The following CCAR1 variants were observed in gnomAD, a reference collection of about 807,000 sequenced individuals.
CCAR1 encodes cell division cycle and apoptosis regulator 1, also known as cell division cycle and apoptosis regulator protein 1.
CCAR1 carries 78 observed loss-of-function variants against 163.8 expected under a neutral mutation model. That is an observed-to-expected ratio of 0.48 (90% confidence interval 0.40 to 0.57). CCAR1 has a LOEUF of 0.57. CCAR1 is among the 20% of genes least tolerant of loss of function. The probability of loss-of-function intolerance (pLI) is 0.00; values close to 1 mark genes in which losing one functional copy is unlikely to be tolerated. For missense variants in CCAR1, 1,019 were observed against 1,365.2 expected (o/e 0.75, Z 4.00); for synonymous variants, 443 against 460.7 (o/e 0.96, Z 0.49).
intron 19 of CCAR1, among the ~76,000 whole-genome samples, chr10:68,784,404 G>C (rs921985170): frequency 6.6e-6 from 1 of 152,062 alleles, no homozygotes. Context: ...TTAGAGATGG[G>C]GTTTCACCAT....
Position 68,756,414 on chromosome 10 carries a change from C to T in CCAR1, c.1767C>T (p.Leu589=), listed in dbSNP as rs775225167. Residue 589 remains leucine (L), a synonymous_variant, in exon 14 of 25, where the codon CTC becomes CTT. Transcript: ENST00000265872. This position sits in a 1 kb window ranked among gnomAD's most constrained non-coding sequence, Gnocchi z 5.1. ...CLPTRSEWET[L]SRGYKQQLVE... is the part of the protein sequence containing the mutation. Reference sequence around the variant, plus strand: ...CCACCCGCTCAGAGTGGGAAACCCTCTCCCGAGGATACAAGCAGCAGCTGG... The same window carrying T: ...CCACCCGCTCAGAGTGGGAAACCCTTTCCCGAGGATACAAGCAGCAGCTGG... The T allele has an allele frequency of 1.9e-6, 3 of 1,613,948 alleles. No homozygotes were observed. Among genetic ancestry groups the T allele is most frequent in the South Asian group, 1.1e-5 (1 of 91,062 alleles).
In CCAR1 at chr10:68,771,036, C is replaced by T. The variant is rs902662250; in HGVS notation, c.2299-170C>T. Among the ~76,000 whole-genome samples the T allele has an allele frequency of 2.6e-5, 4 of 152,082 alleles. No homozygotes were observed. In the South Asian group the frequency reaches 8.3e-4, roughly 31 times the overall value. ...GAGCTTGCTGTGAGCCAAGATCGTG[C>T]CGCTGCACTCCAGCCTGGGCGACAG... is the stretch of plus-strand genomic sequence containing the variant. On this transcript the variant is annotated intron_variant, in intron 17 of 24. Coordinates refer to ENST00000265872, the MANE Select transcript of CCAR1 (RefSeq NM_018237.4).
At chr10:68,755,561 T>C (rs938468529) in intron 13 of CCAR1, 25 bp downstream of exon 13, 3 of 1,588,118 alleles carry the variant, frequency 1.9e-6, no homozygotes, top group Non-Finnish European at 2.6e-6. Context: ...ATTTCTTGAT[T>C]AGAAGTGTTT....
intron 19 of CCAR1, among the ~76,000 whole-genome samples, chr10:68,779,755 T>C (rs571323974): frequency 6.6e-6 from 1 of 152,282 alleles, no homozygotes; most frequent in South Asian, 2.1e-4. Context: ...TTCCATAATT[T>C]ATTATAAAAC....
At chr10:68,781,691 CA>C (rs916907673) in intron 19 of CCAR1, among the ~76,000 whole-genome samples, 10 of 149,974 alleles carry the variant, frequency 6.7e-5, no homozygotes, top group Non-Finnish European at 1.0e-4. Flanking sequence ...CCCATCTCTA[CA>C]AAAAAAAATA....
rs1564531352 is a variant in CCAR1 at position 68,737,871 on chromosome 10, G to C, written c.273G>C (p.Leu91=). The C allele has an allele frequency of 1.3e-6, 2 of 1,597,242 alleles. No individual in the cohort carries two copies. The highest frequency in any genetic ancestry group is 4.5e-5 in the East Asian group (2 of 44,372). The change falls in exon 4 of 25, where the codon CTG becomes CTC. Residue 91 remains leucine (L), a synonymous_variant. Transcript: ENST00000265872. The stretch of plus-strand genomic sequence containing the variant: ...AATATTCACAACCTCAGCAGGCCCT[G>C]TATAGTGTGCAACAACAGGTTAGTT... The part of the protein sequence containing the change: ...QQQYSQPQQA[L]YSVQQQLQQP...
intron 6 of CCAR1, among the ~76,000 whole-genome samples, chr10:68,744,812 A>G (rs1300682717): frequency 6.6e-6 from 1 of 151,578 alleles, no homozygotes; most frequent in African/African-American, 2.4e-5. Flanking sequence ...AAATGAGTCT[A>G]GGAGGTATAT....
intron 10 of CCAR1, among the ~76,000 whole-genome samples, chr10:68,751,352 A>G (rs1446322818): frequency 1.3e-5 from 2 of 151,988 alleles, no homozygotes; most frequent in African/African-American, 2.4e-5. Context: ...ACTTTACACT[A>G]GTTTTCTTCT....
At chr10:68,748,261 G>T (rs1163142) in intron 8 of CCAR1, among the ~76,000 whole-genome samples, 2 of 151,782 alleles carry the variant, frequency 1.3e-5, no homozygotes, top group Non-Finnish European at 2.9e-5. Context: ...AAACTGGGTC[G>T]TGGTGGCAGG....
At chr10:68,726,113 T>TAAA (rs747643778) in intron 2 of CCAR1, among the ~76,000 whole-genome samples, 5 of 93,674 alleles carry the variant, frequency 5.3e-5, no homozygotes, top group South Asian at 3.8e-4. Context: ...GACCCTGTCC[T>TAAA]AAAAAAAAAA....
At chr10:68,728,860 CAGGAGAA>C (rs1363906536) in intron 2 of CCAR1, among the ~76,000 whole-genome samples, 3 of 151,300 alleles carry the variant, frequency 2.0e-5, no homozygotes, top group Non-Finnish European at 4.4e-5. Flanking sequence ...GAGGCTGAGG[CAGGAGAA>C]TCACTTGAAC....
intron 10 of CCAR1, among the ~76,000 whole-genome samples, chr10:68,752,953 A>T (rs2056353123): frequency 6.6e-6 from 1 of 151,368 alleles, no homozygotes; most frequent in South Asian, 2.1e-4. Context: ...CTGTCTGTAG[A>T]TAGAATAGAT....
intron 2 of CCAR1, among the ~76,000 whole-genome samples, chr10:68,722,945 G>C (rs2055880636): frequency 1.3e-5 from 2 of 151,754 alleles, no homozygotes; most frequent in South Asian, 4.2e-4. Flanking sequence ...AAAACAACAT[G>C]AATTAGGCTG....
intron 11 of CCAR1, 90 bp downstream of exon 11, chr10:68,754,167 G>A: frequency 1.1e-6 from 1 of 892,460 alleles, no homozygotes; most frequent in Non-Finnish European, 1.7e-6. Context: ...GAAAGTGTTT[G>A]TTAGGTAGAC....
intron 19 of CCAR1, among the ~76,000 whole-genome samples, chr10:68,774,243 G>A (rs1386957732): frequency 2.0e-5 from 3 of 152,142 alleles, no homozygotes; most frequent in Admixed American, 2.0e-4. Context: ...GCCCAGGCTG[G>A]TCTTGAACTA....
intron 16 of CCAR1, 59 bp downstream of exon 16, chr10:68,761,251 T>A: frequency 1.2e-6 from 1 of 868,774 alleles, no homozygotes; most frequent in Admixed American, 3.0e-5. Context: ...TAGGGTGTTC[T>A]TGGAATACGT....
At chr10:68,784,549 C>T (rs2056774071) in intron 19 of CCAR1, among the ~76,000 whole-genome samples, 1 of 152,084 alleles carries the variant, frequency 6.6e-6, no homozygotes, top group Non-Finnish European at 1.5e-5. Flanking sequence ...TTCTGTGGGT[C>T]AGATGCTATC....
At chr10:68,733,252 C>G (rs1160019492) in intron 2 of CCAR1, among the ~76,000 whole-genome samples, 3 of 150,712 alleles carry the variant, frequency 2.0e-5, no homozygotes, top group African/African-American at 7.3e-5. Context: ...TTTACAGAAA[C>G]TATCAAAAAT....
intron 6 of CCAR1, among the ~76,000 whole-genome samples, chr10:68,743,394 G>A (rs1436396534): frequency 2.0e-5 from 3 of 151,648 alleles, no homozygotes; most frequent in Admixed American, 6.6e-5. Context: ...TCGAACTCCC[G>A]ACCTCACGAT....
Sources: gnomAD v4.1 joint callset for allele counts (sites outside exome capture counted in the v4.1 genomes callset) on GRCh38, gnomAD v4.1.1 for gene constraint, Gnocchi (gnomAD v3.1) non-coding constraint, MANE v1.5 for transcripts, NCBI Gene and HGNC (gene_info 2026-07-23, HGNC 2026-07-21) for gene names.